SOCS7: variants seen among roughly 807,000 people sequenced by gnomAD.
SOCS7 encodes suppressor of cytokine signaling 7, also known as NAP-4.
In SOCS7, 18 loss-of-function variants were observed where a neutral mutation model predicts 58.9. That is an observed-to-expected ratio of 0.31 (90% CI 0.21 to 0.45). The LOEUF (loss-of-function observed/expected upper bound fraction) is 0.45. Among genes scored for constraint, SOCS7 ranks in the 20% least tolerant of loss-of-function variants. The pLI, the probability that SOCS7 is intolerant of heterozygous loss-of-function variation, is 1.00. For missense variants in SOCS7, 667 were observed against 837.3 expected, an observed-to-expected ratio of 0.80 and a Z score of 2.51; for synonymous variants, 388 against 364.3, an observed-to-expected ratio of 1.06 and a Z score of -0.74.
intron 9 of SOCS7, among the ~76,000 whole-genome samples, chr17:38,398,117 C>A (rs2038267976): frequency 6.6e-6 from 1 of 152,114 alleles, no homozygotes; most frequent in African/African-American, 2.4e-5. Context: ...TCCCAGGATC[C>A]CTTTTTGCTG....
At chr17:38,393,472 A>G (rs968416322) in intron 7 of SOCS7, among the ~76,000 whole-genome samples, 7 of 152,288 alleles carry the variant, frequency 4.6e-5, no homozygotes, top group South Asian at 4.1e-4. Flanking sequence ...CCCCGTCTCT[A>G]CTAAAAATAC....
At chr17:38,363,871 T>G (rs1433926917) in intron 2 of SOCS7, among the ~76,000 whole-genome samples, 1 of 152,176 alleles carries the variant, frequency 6.6e-6, no homozygotes, top group Non-Finnish European at 1.5e-5. Flanking sequence ...AATCCTGAGT[T>G]CTGACTTGTG....
intron 7 of SOCS7, among the ~76,000 whole-genome samples, chr17:38,389,904 T>TATATATATATATATGTAC (rs2038144974): frequency 9.0e-6 from 1 of 111,532 alleles, no homozygotes; most frequent in Non-Finnish European, 1.7e-5. Context: ...TATATACACA[T>TATATATATATATATGTAC]ATAGAGAGAG....
Position 38,387,512 on chromosome 17 carries a change from A to C in SOCS7, c.1682-7797A>C, listed in dbSNP as rs62635851. Among the ~76,000 whole-genome samples the C allele has an allele frequency of 2.8e-5, 4 of 142,834 alleles. No homozygotes were observed. The South Asian group carries it at 8.5e-4, about 30-fold the overall frequency. 93.7% of individuals were successfully genotyped at this position (142,834 alleles called of 152,430 possible). ...ACACAATACATAATATATATACACAATATATTGTATATATTATATACACAA... is the reference window on the plus strand; with the variant it reads ...ACACAATACATAATATATATACACACTATATTGTATATATTATATACACAA... On this transcript the variant is annotated intron_variant, in intron 7 of 9. Transcript: ENST00000612932.
At chr17:38,396,065 C>T in intron 9 of SOCS7, 67 bp downstream of exon 9, 1 of 1,324,040 alleles carries the variant, frequency 7.6e-7, no homozygotes, top group Non-Finnish European at 1.0e-6. Flanking sequence ...TGCATTGAGC[C>T]TTGGGCCCCC....
intron 7 of SOCS7, among the ~76,000 whole-genome samples, chr17:38,390,278 A>G (rs1023277281): frequency 2.0e-5 from 3 of 152,056 alleles, no homozygotes; most frequent in Non-Finnish European, 2.9e-5. Context: ...ATTGAGTTGT[A>G]TGTCCATCCT....
At chr17:38,366,024 C>T in intron 4 of SOCS7, 1 of 1,264,170 alleles carries the variant, frequency 7.9e-7, no homozygotes, top group Non-Finnish European at 1.0e-6. Context: ...GAAGTAGTCA[C>T]CTTAGTAAGG....
chr17:38,373,919 C>T (rs2037898791), intron 6 of SOCS7, among the ~76,000 whole-genome samples: 1 of 152,208 alleles, frequency 6.6e-6, no homozygotes. Context: ...AAAGATTCCT[C>T]CATTGAAGTT....
intron 1 of SOCS7, among the ~76,000 whole-genome samples, chr17:38,361,035 G>C (rs977857246): frequency 6.6e-6 from 1 of 152,234 alleles, no homozygotes; most frequent in African/African-American, 2.4e-5. Context: ...TGGGTTTTCA[G>C]ACTGGTTCCC....
chr17:38,364,575 A>G (rs1567738133), intron 2 of SOCS7, among the ~76,000 whole-genome samples, 177 bp from the exon 3 acceptor site: 1 of 152,186 alleles, frequency 6.6e-6, no homozygotes, highest in Non-Finnish European at 1.5e-5. Context: ...GAATGATAGA[A>G]TTTAAAAATT....
intron 7 of SOCS7, among the ~76,000 whole-genome samples, chr17:38,389,899 A>ATATATG (rs2038143219): frequency 2.0e-3 from 20 of 10,170 alleles, no homozygotes; most frequent in African/African-American, 3.0e-3. Context: ...ATATATATAT[A>ATATATG]CACATATAGA....
At position 38,399,756 on chromosome 17, in the gene SOCS7, C is replaced by A. The variant is rs1425255896; in HGVS notation, c.*274C>A. 6.6e-6 allele frequency: 1 copy of A among 152,614 alleles called. No homozygotes were observed. Among genetic ancestry groups the A allele is most frequent in the Non-Finnish European group, 1.5e-5 (1 of 68,054 alleles). 9.5% of individuals were successfully genotyped at this position (152,614 alleles called of 1,614,324 possible). On this transcript the variant is annotated 3_prime_UTR_variant, in exon 10 of 10. Coordinates refer to ENST00000612932, the MANE Select transcript of SOCS7 (RefSeq NM_014598.4). ...ACTGGAAGAAGTCTCAACACTGTTTCTTTTTCAGAAGTTTTGTTTTTGATA... is the reference window on the plus strand; with the variant it reads ...ACTGGAAGAAGTCTCAACACTGTTTATTTTTCAGAAGTTTTGTTTTTGATA...
At chr17:38,377,891 A>C in intron 7 of SOCS7, 49 bp downstream of exon 7, 1 of 1,573,504 alleles carries the variant, frequency 6.4e-7, no homozygotes, top group Non-Finnish European at 8.6e-7. Flanking sequence ...GGTATGATCC[A>C]GTTTAGTGTC....
intron 9 of SOCS7, among the ~76,000 whole-genome samples, chr17:38,396,318 T>G (rs1281124755): frequency 6.6e-6 from 1 of 152,018 alleles, no homozygotes; most frequent in African/African-American, 2.4e-5. Context: ...TTGAAAAAAA[T>G]AAGAAGAAGA....
At chr17:38,393,537 T>A (rs989961535) in intron 7 of SOCS7, among the ~76,000 whole-genome samples, 1 of 152,038 alleles carries the variant, frequency 6.6e-6, no homozygotes, top group Non-Finnish European at 1.5e-5. Flanking sequence ...CTCGAGAGGC[T>A]AAGGCAGGAG....
intron 6 of SOCS7, among the ~76,000 whole-genome samples, chr17:38,369,318 T>A (rs2037831348): frequency 6.6e-6 from 1 of 152,190 alleles, no homozygotes. Context: ...TCGGGTTCTC[T>A]TGTGAGGCAG....
At chr17:38,383,792 C>A (rs1261818204) in intron 7 of SOCS7, among the ~76,000 whole-genome samples, 1 of 152,156 alleles carries the variant, frequency 6.6e-6, no homozygotes, top group African/African-American at 2.4e-5. Flanking sequence ...GATCCACCCG[C>A]CTCGGCCTCC....
rs1348439247 is a variant in SOCS7, at chr17:38,404,769, A to G, written c.*5287A>G. ...AGCAGAAGCCTGCTCTCACTCCTCC[A>G]TCTCTGGTGCTCCCTTGGGCGGGGA... is the stretch of plus-strand genomic sequence containing the variant. On this transcript the variant is annotated 3_prime_UTR_variant, in exon 10 of 10. Transcript: ENST00000612932. The G allele has an allele frequency of 6.6e-6, 1 of 152,194 alleles. No homozygotes were observed. Among genetic ancestry groups the G allele is most frequent in the Non-Finnish European group, 1.5e-5 (1 of 68,122 alleles). 9.4% of individuals were successfully genotyped at this position (152,194 alleles called of 1,614,324 possible).
rs748512376 is a variant in SOCS7, at chr17:38,366,376, G to C, written c.1342G>C (p.Asp448His). The C allele has an allele frequency of 5.6e-6, 9 of 1,614,240 alleles. No homozygotes were observed. Among genetic ancestry groups the C allele is most frequent in the Non-Finnish European group, 7.6e-6 (9 of 1,180,054 alleles). Reference sequence around the variant, plus strand: ...CCTCCAGTGTCCCCTCTACCGGCCTGACTCGAGCAGCTTTGCAGCCAGCCT... The same window carrying C: ...CCTCCAGTGTCCCCTCTACCGGCCTCACTCGAGCAGCTTTGCAGCCAGCCT... The part of the protein sequence containing the change: ...QHLQCPLYRP[D>H]SSSFAASLRE... The change falls in exon 5 of 10, where the codon GAC becomes CAC. Residue 448 changes from aspartate (D) to histidine (H), a missense_variant. Physicochemically the swap from Asp to His is moderately conservative, Grantham distance 81 (BLOSUM62 -1). Coordinates refer to ENST00000612932, the MANE Select transcript of SOCS7 (RefSeq NM_014598.4).
Sources: allele counts gnomAD v4.1 joint callset (sites outside exome capture counted in the v4.1 genomes callset), GRCh38; gene constraint gnomAD v4.1.1; transcripts MANE v1.5; gene names NCBI Gene and HGNC (gene_info 2026-07-23, HGNC 2026-07-21).